ENAH: variants seen among roughly 807,000 people sequenced by gnomAD.
ENAH encodes protein enabled homolog.
ENAH carries 23 observed loss-of-function variants against 78.7 expected under a neutral mutation model. The ratio of observed to expected loss-of-function variants is 0.29; its 90% CI spans 0.21 to 0.41. The LOEUF (loss-of-function observed/expected upper bound fraction) is 0.41, where lower values mean the gene tolerates loss of function less well. Ranked by LOEUF, ENAH falls within the 10% of genes least tolerant of loss-of-function variation. The probability of loss-of-function intolerance (pLI) is 1.00; values close to 1 mark genes in which losing one functional copy is unlikely to be tolerated. For missense variants in ENAH, 544 were observed against 691.0 expected (o/e 0.79, Z 2.39); for synonymous variants, 226 against 241.0 (o/e 0.94, Z 0.58).
chr1:225,515,548 A>G (rs1000438554), intron 6 of ENAH, among the ~76,000 whole-genome samples: 5 of 152,232 alleles, frequency 3.3e-5, no homozygotes, highest in Admixed American at 1.3e-4. Context: ...TAGGATTTGA[A>G]GTAGAGTTGT....
At chr1:225,540,323 C>G (rs2096583112) in intron 3 of ENAH, among the ~76,000 whole-genome samples, 1 of 152,154 alleles carries the variant, frequency 6.6e-6, no homozygotes, top group African/African-American at 2.4e-5. Flanking sequence ...CAATTTCACT[C>G]TCTTATCCAC....
chr1:225,502,376 AT>A (rs201244721), intron 11 of ENAH, among the ~76,000 whole-genome samples: 2 of 151,868 alleles, frequency 1.3e-5, no homozygotes, highest in Non-Finnish European at 2.9e-5. Flanking sequence ...TGCCTGGCTA[AT>A]TTTTTTGTAT....
intron 1 of ENAH, among the ~76,000 whole-genome samples, chr1:225,605,872 A>G (rs919682796): frequency 2.6e-5 from 4 of 152,190 alleles, no homozygotes; most frequent in African/African-American, 9.7e-5. Context: ...TTCAGAAGGA[A>G]CCAACCCTGC....
chr1:225,545,088 C>G (rs913861418), intron 3 of ENAH, among the ~76,000 whole-genome samples: 13 of 152,158 alleles, frequency 8.5e-5, no homozygotes, highest in African/African-American at 3.1e-4. Context: ...TCTGGCCAGC[C>G]CTCCATAATG....
chr1:225,634,029 AGT>A (rs1659601055), intron 1 of ENAH, among the ~76,000 whole-genome samples: 2 of 152,216 alleles, frequency 1.3e-5, no homozygotes, highest in African/African-American at 4.8e-5. Context: ...CTTCTTTAAA[AGT>A]GTTTTATTTT....
At chr1:225,645,346 C>T (rs756078118) in intron 1 of ENAH, among the ~76,000 whole-genome samples, 17 of 152,130 alleles carry the variant, frequency 1.1e-4, no homozygotes, top group Non-Finnish European at 2.1e-4. Flanking sequence ...CTTCCATCTA[C>T]GCTGTGGCAT....
intron 1 of ENAH, among the ~76,000 whole-genome samples, chr1:225,614,863 T>C (rs908955655): frequency 7.9e-5 from 12 of 152,200 alleles, no homozygotes; most frequent in Non-Finnish European, 1.3e-4. Flanking sequence ...GAAACCTGTC[T>C]CAAATTTCCG....
chr1:225,600,790 C>A (rs2096926915), intron 1 of ENAH, among the ~76,000 whole-genome samples: 1 of 151,924 alleles, frequency 6.6e-6, no homozygotes, highest in Non-Finnish European at 1.5e-5. Flanking sequence ...CTCAAAACTG[C>A]AGTAAGCTGT....
intron 1 of ENAH, among the ~76,000 whole-genome samples, chr1:225,603,675 T>G (rs2096941246): frequency 6.6e-6 from 1 of 152,194 alleles, no homozygotes; most frequent in Non-Finnish European, 1.5e-5. Flanking sequence ...TGAGTCATGT[T>G]TATTTTCAAA....
At chr1:225,557,900 C>A (rs2096675282) in intron 2 of ENAH, among the ~76,000 whole-genome samples, 1 of 151,976 alleles carries the variant, frequency 6.6e-6, no homozygotes, top group Non-Finnish European at 1.5e-5. Flanking sequence ...GGGGAAAAAC[C>A]CTACTACTTG....
intron 1 of ENAH, among the ~76,000 whole-genome samples, chr1:225,576,782 A>G (rs1575587870): frequency 6.6e-6 from 1 of 152,368 alleles, no homozygotes; most frequent in East Asian, 1.9e-4. Flanking sequence ...CAGGCCTCAG[A>G]GGAAACCAGC....
intron 4 of ENAH, among the ~76,000 whole-genome samples, chr1:225,529,727 C>G (rs985864799): frequency 2.6e-5 from 4 of 152,078 alleles, no homozygotes; most frequent in African/African-American, 9.7e-5. Flanking sequence ...TCAAAGCAGA[C>G]ATGGGAAGAG....
intron 1 of ENAH, among the ~76,000 whole-genome samples, chr1:225,599,721 C>T (rs369299390): frequency 6.0e-5 from 9 of 149,480 alleles, no homozygotes; most frequent in Non-Finnish European, 1.3e-4. Flanking sequence ...ACTTGAACCC[C>T]GGAGGCAGAG....
intron 3 of ENAH, among the ~76,000 whole-genome samples, chr1:225,534,186 T>C (rs765900279): frequency 8.6e-5 from 13 of 151,960 alleles, no homozygotes; most frequent in Non-Finnish European, 1.8e-4. Flanking sequence ...TCATGACTAG[T>C]TCAAAAGATA....
chr1:225,540,458 G>A (rs966793612), intron 3 of ENAH, among the ~76,000 whole-genome samples: 1 of 152,034 alleles, frequency 6.6e-6, no homozygotes, highest in Non-Finnish European at 1.5e-5. Context: ...AGAATTAAGA[G>A]AAATACAAAG....
intron 3 of ENAH, among the ~76,000 whole-genome samples, chr1:225,531,935 A>G (rs2096539683): frequency 6.6e-6 from 1 of 152,086 alleles, no homozygotes; most frequent in South Asian, 2.1e-4. Context: ...CAAATTGATG[A>G]CAACTGCAGT....
intron 1 of ENAH, 126 bp from the exon 2 acceptor site, chr1:225,567,540 T>G: frequency 2.2e-6 from 2 of 915,608 alleles, no homozygotes; most frequent in Non-Finnish European, 3.1e-6. Flanking sequence ...GAAACAATAA[T>G]GGACAAGACA....
chr1:225,606,968 A>G (rs1210974433), intron 1 of ENAH, among the ~76,000 whole-genome samples: 2 of 152,128 alleles, frequency 1.3e-5, no homozygotes, highest in Admixed American at 1.3e-4. Flanking sequence ...AATGCAGCTG[A>G]GAGTGCCAGG....
intron 3 of ENAH, among the ~76,000 whole-genome samples, chr1:225,546,215 C>G (rs2096613219): frequency 1.3e-5 from 2 of 152,218 alleles, no homozygotes; most frequent in African/African-American, 4.8e-5. Flanking sequence ...ATGCCTGGCC[C>G]TAATGAGAAT....
Sources: gnomAD v4.1 joint callset for allele counts (sites outside exome capture counted in the v4.1 genomes callset) on GRCh38, gnomAD v4.1.1 for gene constraint, MANE v1.5 for transcripts, NCBI Gene and HGNC (gene_info 2026-07-23, HGNC 2026-07-21) for gene names.